Variants in TMEM163 observed in about 807,000 individuals in gnomAD.
TMEM163 encodes transmembrane protein 163.
In TMEM163, 17 loss-of-function variants were observed where a neutral mutation model predicts 29.3. The observed-to-expected ratio is 0.58, with a 90% confidence interval of 0.40 to 0.87. The LOEUF is 0.87. TMEM163 is among the 40% of genes least tolerant of loss of function. TMEM163 has a pLI of 0.00. For synonymous variants in TMEM163, 157 were observed against 160.6 expected (o/e 0.98, Z 0.17); for missense variants, 303 against 381.5 (o/e 0.79, Z 1.71).
chr2:134,477,126 G>A (rs1686934538), intron 5 of TMEM163, among the ~76,000 whole-genome samples: 2 of 152,130 alleles, frequency 1.3e-5, no homozygotes, highest in Admixed American at 1.3e-4. Flanking sequence ...CTCTATGTCA[G>A]GGAGAACGTT....
Position 134,685,002 on chromosome 2 carries a change from C to T in TMEM163, c.322+28198G>A, listed in dbSNP as rs747925948. On this transcript the variant is annotated intron_variant, in intron 2 of 7. Coordinates refer to ENST00000281924, the MANE Select transcript of TMEM163 (RefSeq NM_030923.5). Reference sequence around the variant, plus strand: ...CTACACAAACACGGCACTCCAAGAACGTCCATCCTCTCCCACCTAACTCTC... The same window carrying T: ...CTACACAAACACGGCACTCCAAGAATGTCCATCCTCTCCCACCTAACTCTC... 4.6e-5 allele frequency among the ~76,000 whole-genome samples: 7 copies of T among 151,542 alleles called. No homozygotes were observed. The East Asian group carries it at 5.8e-4, about 13-fold the overall frequency.
chr2:134,594,405 T>C (rs995172336), intron 2 of TMEM163, among the ~76,000 whole-genome samples: 4 of 152,190 alleles, frequency 2.6e-5, no homozygotes, highest in African/African-American at 9.7e-5. Flanking sequence ...GTCTGCCTTC[T>C]GCTAGGTGGT....
intron 2 of TMEM163, among the ~76,000 whole-genome samples, chr2:134,556,189 C>G (rs549436097): frequency 1.3e-5 from 2 of 152,238 alleles, no homozygotes; most frequent in African/African-American, 4.8e-5. Context: ...CAGACTGAAC[C>G]TCTTAAATCA....
intron 2 of TMEM163, among the ~76,000 whole-genome samples, chr2:134,658,009 GA>G (rs111462462): frequency 0.15 from 22,598 of 151,234 alleles, 2,456 homozygotes; most frequent in African/African-American, 0.31. Flanking sequence ...CTTAAAAGTT[GA>G]AAAAAAAGAC....
chr2:134,551,191 C>G (rs998876195), intron 3 of TMEM163, among the ~76,000 whole-genome samples: 1 of 151,862 alleles, frequency 6.6e-6, no homozygotes, highest in African/African-American at 2.4e-5. Flanking sequence ...GAGAGAATGA[C>G]AGAGAAAAAT....
intron 2 of TMEM163, among the ~76,000 whole-genome samples, chr2:134,680,179 T>G (rs1684199487): frequency 6.6e-6 from 1 of 152,242 alleles, no homozygotes; most frequent in Non-Finnish European, 1.5e-5. Flanking sequence ...TTCTACATAA[T>G]GTTTTGGAGC....
At chr2:134,552,838 T>G (rs1337643848) in intron 2 of TMEM163, among the ~76,000 whole-genome samples, 3 of 151,928 alleles carry the variant, frequency 2.0e-5, no homozygotes, top group Non-Finnish European at 4.4e-5. Context: ...ATTTTTATTT[T>G]TAGCAGAGAC....
intron 5 of TMEM163, among the ~76,000 whole-genome samples, chr2:134,478,931 G>A (rs1686980202): frequency 6.6e-6 from 1 of 152,190 alleles, no homozygotes. Flanking sequence ...GCAGCCTTGG[G>A]ATACTGCTCC....
chr2:134,698,221 G>A (rs1684622012), intron 2 of TMEM163, among the ~76,000 whole-genome samples: 1 of 152,196 alleles, frequency 6.6e-6, no homozygotes, highest in African/African-American at 2.4e-5. Context: ...ATTGCTGGAT[G>A]TCTCCAGGGA....
At position 134,612,542 on chromosome 2, in the gene TMEM163, A is replaced by AACACACACACACACACAC. The variant is rs3039625; in HGVS notation, c.323-60469_323-60452dup. 7.9e-3 allele frequency among the ~76,000 whole-genome samples: 1,109 copies of AACACACACACACACACAC among 140,630 alleles called. 19 individuals carry two copies. Among genetic ancestry groups the AACACACACACACACACAC allele is most frequent in the Middle Eastern group, 0.021 (6 of 284 alleles). The allele number at this position is 140,630 out of a possible 152,430, so 92.3% of individuals were successfully genotyped here. A position where few individuals can be genotyped will look rare whatever the true frequency, so the allele number is the denominator to read the frequency against. On this transcript the variant is annotated intron_variant, in intron 2 of 7. Coordinates refer to ENST00000281924, the MANE Select transcript of TMEM163 (RefSeq NM_030923.5). ...CAGAACACTAATGAAGGTTTGCCCC[A>AACACACACACACACACAC]ACACACACACACACACACACACACA...
At chr2:134,578,180 C>T (rs745764608) in intron 2 of TMEM163, among the ~76,000 whole-genome samples, 2 of 152,188 alleles carry the variant, frequency 1.3e-5, no homozygotes, top group Non-Finnish European at 2.9e-5. Flanking sequence ...TTTAGAGGAG[C>T]TGTGCAGTAT....
chr2:134,475,742 T>C (rs13393514), intron 5 of TMEM163, among the ~76,000 whole-genome samples: 15,518 of 152,146 alleles, frequency 0.1, 1,170 homozygotes, highest in East Asian at 0.22. Context: ...ATCAACATTA[T>C]TGGTCAACAG....
intron 2 of TMEM163, among the ~76,000 whole-genome samples, chr2:134,683,920 A>G (rs1273745791): frequency 6.6e-6 from 1 of 152,200 alleles, no homozygotes; most frequent in African/African-American, 2.4e-5. Flanking sequence ...TATGCCCTCA[A>G]TTTATAGAGG....
chr2:134,458,221 A>G (rs2106470942), intron 6 of TMEM163, 48 bp from the exon 7 acceptor site: 1 of 1,607,730 alleles, frequency 6.2e-7, no homozygotes, highest in East Asian at 2.2e-5. Context: ...AAGCAATCCA[A>G]GAAAATCACC....
At chr2:134,480,181 G>A (rs1352691126) in intron 5 of TMEM163, among the ~76,000 whole-genome samples, 1 of 152,132 alleles carries the variant, frequency 6.6e-6, no homozygotes, top group African/African-American at 2.4e-5. Context: ...GGACTCCTCT[G>A]CCCTCACCTC....
rs1686451868 is a variant in TMEM163, at chr2:134,458,461, A to G, written c.668-288T>C. The stretch of plus-strand genomic sequence containing the variant: ...ATAGCTGGTCTCGCCCGTGCCCGCT[A>G]GAACGCAAACCTCCTAGAGGCAGGG... On this transcript the variant is annotated intron_variant, in intron 6 of 7. Coordinates refer to ENST00000281924, the MANE Select transcript of TMEM163 (RefSeq NM_030923.5). 3 of 385,238 alleles carry G rather than the reference A, an allele frequency of 7.8e-6. No individual in the cohort carries two copies. In the Admixed American group the frequency reaches 1.1e-4, roughly 14 times the overall value. 23.9% of individuals were successfully genotyped at this position (385,238 alleles called of 1,614,324 possible).
chr2:134,531,451 T>A (rs1165828646), intron 4 of TMEM163, among the ~76,000 whole-genome samples: 3 of 152,166 alleles, frequency 2.0e-5, no homozygotes, highest in African/African-American at 4.8e-5. Context: ...GAGGGCTCAG[T>A]CCCACCAGAC....
At chr2:134,501,641 T>G (rs545297958) in intron 5 of TMEM163, among the ~76,000 whole-genome samples, 63 of 152,322 alleles carry the variant, frequency 4.1e-4, no homozygotes, top group African/African-American at 1.4e-3. Flanking sequence ...AGATTCTGAC[T>G]GAATGAAATG....
chr2:134,495,453 T>A (rs1231211119), intron 5 of TMEM163, among the ~76,000 whole-genome samples: 1 of 152,172 alleles, frequency 6.6e-6, no homozygotes. Flanking sequence ...GAGAGTGAGA[T>A]AATAAATGGC....
Sources: gnomAD v4.1 joint callset for allele counts (sites outside exome capture counted in the v4.1 genomes callset) on GRCh38, gnomAD v4.1.1 for gene constraint, MANE v1.5 for transcripts, NCBI Gene and HGNC (gene_info 2026-07-23, HGNC 2026-07-21) for gene names.